Variants in CCDC6 observed in about 807,000 individuals in gnomAD.
The protein encoded by CCDC6 is coiled-coil domain containing 6.
In CCDC6, 20 loss-of-function variants were observed where a neutral mutation model predicts 56.6. The ratio of observed to expected loss-of-function variants is 0.35; its 90% CI spans 0.25 to 0.51. The LOEUF (loss-of-function observed/expected upper bound fraction) is 0.51. CCDC6 is among the 20% of genes least tolerant of loss of function. The probability of loss-of-function intolerance (pLI) is 0.95; values close to 1 mark genes in which losing one functional copy is unlikely to be tolerated. For missense variants in CCDC6, 367 were observed against 601.1 expected (o/e 0.61, Z 4.07); for synonymous variants, 241 against 234.4 (o/e 1.03, Z -0.26).
At chr10:59,865,447 A>C (rs1217771300) in intron 1 of CCDC6, among the ~76,000 whole-genome samples, 1 of 152,236 alleles carries the variant, frequency 6.6e-6, no homozygotes, top group African/African-American at 2.4e-5. Context: ...AGACAGAGAA[A>C]TCTTAAAGGA....
intron 1 of CCDC6, among the ~76,000 whole-genome samples, chr10:59,881,426 T>C (rs140268570): frequency 1.7e-4 from 26 of 152,268 alleles, no homozygotes; most frequent in African/African-American, 5.5e-4. Context: ...TATCTTGGTG[T>C]CCCAGAAGGG....
intron 2 of CCDC6, among the ~76,000 whole-genome samples, chr10:59,834,478 AGGGGTTGCAGGGAGGCG>A (rs1353325198): frequency 6.6e-6 from 1 of 151,844 alleles, no homozygotes; most frequent in East Asian, 1.9e-4. Context: ...CCCAGGAGGC[AGGGGTTGCAGGGAGGCG>A]GAGGTTGCAG....
intron 1 of CCDC6, among the ~76,000 whole-genome samples, chr10:59,871,844 C>G (rs901533221): frequency 2.6e-5 from 4 of 151,802 alleles, no homozygotes; most frequent in African/African-American, 9.7e-5. Flanking sequence ...AATTCAGTTG[C>G]TAATTGGCAA....
At chr10:59,878,329 C>A (rs193279441) in intron 1 of CCDC6, among the ~76,000 whole-genome samples, 9 of 152,190 alleles carry the variant, frequency 5.9e-5, no homozygotes, top group Admixed American at 6.5e-5. Context: ...CCAGCTCCCC[C>A]CTTGTTTATT....
At chr10:59,870,781 G>C (rs1262700120) in intron 1 of CCDC6, among the ~76,000 whole-genome samples, 1 of 152,146 alleles carries the variant, frequency 6.6e-6, no homozygotes, top group African/African-American at 2.4e-5. Flanking sequence ...TATAAGGCAG[G>C]TCCCACCACA....
intron 3 of CCDC6, among the ~76,000 whole-genome samples, chr10:59,820,255 G>A (rs903517893): frequency 3.3e-5 from 5 of 152,074 alleles, no homozygotes; most frequent in Non-Finnish European, 7.4e-5. Context: ...AGTAAGGAAC[G>A]TTTGGCAAAA....
intron 1 of CCDC6, among the ~76,000 whole-genome samples, chr10:59,892,688 CTTTCCTG>C (rs2071431655): frequency 4.2e-5 from 1 of 23,984 alleles, no homozygotes; most frequent in Non-Finnish European, 9.7e-5. Context: ...TACCCCAAAA[CTTTCCTG>C]TGTGTATCAA....
At chr10:59,865,635 C>G (rs1223668427) in intron 1 of CCDC6, among the ~76,000 whole-genome samples, 1 of 151,924 alleles carries the variant, frequency 6.6e-6, no homozygotes, top group East Asian at 1.9e-4. Context: ...GGGCAGATCA[C>G]GAGGTCAAGA....
chr10:59,853,130 T>C, intron 1 of CCDC6, among the ~76,000 whole-genome samples: 1 of 152,212 alleles, frequency 6.6e-6, no homozygotes, highest in East Asian at 1.9e-4. Flanking sequence ...ATTAAATATC[T>C]GGGCAACATT....
At chr10:59,873,260 T>A (rs1352944147) in intron 1 of CCDC6, among the ~76,000 whole-genome samples, 1 of 152,136 alleles carries the variant, frequency 6.6e-6, no homozygotes, top group Non-Finnish European at 1.5e-5. Flanking sequence ...TCTTTGCAGA[T>A]GTAATCAAGC....
At chr10:59,852,442 T>G (rs2071047914) in intron 2 of CCDC6, 111 bp downstream of exon 2, 1 of 868,544 alleles carries the variant, frequency 1.2e-6, no homozygotes, top group Non-Finnish European at 1.7e-6. Context: ...CCAAAGAACT[T>G]AAGCTACAAC....
intron 1 of CCDC6, among the ~76,000 whole-genome samples, chr10:59,862,991 G>A (rs1237005681): frequency 6.6e-6 from 1 of 151,850 alleles, no homozygotes; most frequent in East Asian, 1.9e-4. Context: ...TACCTACTCA[G>A]AAGAAAAACA....
intron 1 of CCDC6, among the ~76,000 whole-genome samples, chr10:59,859,193 T>TGTGTGC (rs1320276076): frequency 8.5e-6 from 1 of 118,026 alleles, no homozygotes; most frequent in African/African-American, 3.1e-5. Flanking sequence ...AAAATACATG[T>TGTGTGC]GTGTGCGTGT....
At chr10:59,859,378 T>C (rs912762276) in intron 1 of CCDC6, among the ~76,000 whole-genome samples, 10 of 152,184 alleles carry the variant, frequency 6.6e-5, no homozygotes, top group African/African-American at 2.4e-4. Flanking sequence ...CATCATTCAC[T>C]AGCCTTCAGA....
At chr10:59,871,102 G>C (rs184795111) in intron 1 of CCDC6, among the ~76,000 whole-genome samples, 1 of 152,206 alleles carries the variant, frequency 6.6e-6, no homozygotes, top group Admixed American at 6.5e-5. Flanking sequence ...CATGAGTGAA[G>C]TTTTATTTAA....
At position 59,790,228 on chromosome 10, in the gene CCDC6, C is replaced by G. The variant is rs1461114854; in HGVS notation, c.*2689G>C. 4.6e-6 allele frequency: 1 copy of G among 217,546 alleles called. No individual in the cohort carries two copies. Among genetic ancestry groups the G allele is most frequent in the Non-Finnish European group, 9.3e-6 (1 of 107,972 alleles). 13.5% of individuals were successfully genotyped at this position (217,546 alleles called of 1,614,324 possible). A position where few individuals can be genotyped will look rare whatever the true frequency, so the allele number is the denominator to read the frequency against. On this transcript the variant is annotated 3_prime_UTR_variant, in exon 9 of 9. Transcript: ENST00000263102. ...ATCCTATTAGCAGCACAGTGGTAGC[C>G]AAGGGTCTCTGTCTGCAAGACAGGA...
intron 1 of CCDC6, among the ~76,000 whole-genome samples, chr10:59,889,791 C>T (rs1007272089): frequency 6.6e-6 from 1 of 152,168 alleles, no homozygotes; most frequent in Non-Finnish European, 1.5e-5. Flanking sequence ...GGAGTTCCAA[C>T]TTCTTGGTGA....
rs2071076570 is a variant in CCDC6 at position 59,855,752 on chromosome 10, A to G, written c.304-3050T>C. 1.3e-5 allele frequency among the ~76,000 whole-genome samples: 2 copies of G among 152,226 alleles called. 1 individual carries two copies. Among genetic ancestry groups the G allele is most frequent in the South Asian group, 4.1e-4 (2 of 4,826 alleles). On this transcript the variant is annotated intron_variant, in intron 1 of 8. Coordinates refer to ENST00000263102, the MANE Select transcript of CCDC6 (RefSeq NM_005436.5). ...TATATACTTTAAAAGGGTGAATGTT[A>G]CAGCATGTGAATTGAATTATATCTT...
intron 1 of CCDC6, among the ~76,000 whole-genome samples, chr10:59,872,444 C>T (rs1198762660): frequency 6.6e-6 from 1 of 152,100 alleles, no homozygotes; most frequent in African/African-American, 2.4e-5. Flanking sequence ...AAATGGTAGC[C>T]AATTTACATC....
Sources: gnomAD v4.1 joint callset for allele counts (sites outside exome capture counted in the v4.1 genomes callset) on GRCh38, gnomAD v4.1.1 for gene constraint, MANE v1.5 for transcripts, NCBI Gene and HGNC (gene_info 2026-07-23, HGNC 2026-07-21) for gene names.